Variants in ERC2 observed in about 807,000 individuals in gnomAD.
ERC2 encodes the protein ELKS/RAB6-interacting/CAST family member 2, also known as ERC protein 2.
In ERC2, 42 loss-of-function variants were observed where a neutral mutation model predicts 114.8. That is an observed-to-expected ratio of 0.37 (90% CI 0.29 to 0.47). The LOEUF (loss-of-function observed/expected upper bound fraction) is 0.47, where lower values mean the gene tolerates loss of function less well. ERC2 is among the 20% of genes least tolerant of loss of function. ERC2 has a pLI of 0.99. For synonymous variants in ERC2, 454 were observed against 425.5 expected (o/e 1.07, Z -0.82); for missense variants, 939 against 1,150.7 (o/e 0.82, Z 2.66).
chr3:55,957,128 A>G (rs1464058840), intron 12 of ERC2, among the ~76,000 whole-genome samples: 3 of 152,214 alleles, frequency 2.0e-5, no homozygotes, highest in Admixed American at 2.0e-4. Context: ...AAACTTGAGA[A>G]GTAGAACGTC....
intron 14 of ERC2, among the ~76,000 whole-genome samples, chr3:55,768,703 A>T (rs2067989169): frequency 6.6e-6 from 1 of 152,160 alleles, no homozygotes. Flanking sequence ...CTGTGAGGCA[A>T]GTATGAGCTT....
intron 17 of ERC2, among the ~76,000 whole-genome samples, chr3:55,603,335 A>C (rs1200426316): frequency 2.0e-5 from 3 of 152,198 alleles, no homozygotes; most frequent in Non-Finnish European, 4.4e-5. Context: ...GAAGTCCTAA[A>C]TTTTTAAGAA....
At chr3:56,164,890 T>G (rs927243299) in intron 4 of ERC2, among the ~76,000 whole-genome samples, 4 of 152,094 alleles carry the variant, frequency 2.6e-5, no homozygotes, top group Non-Finnish European at 5.9e-5. Flanking sequence ...TTTGTATGTC[T>G]TCTTTGGAGA....
At chr3:55,854,810 G>A (rs1293948888) in intron 14 of ERC2, among the ~76,000 whole-genome samples, 6 of 152,050 alleles carry the variant, frequency 3.9e-5, no homozygotes, top group African/African-American at 1.2e-4. Context: ...AGTGGGATTC[G>A]CATTCCTATG....
chr3:56,111,004 G>T (rs1384904240), intron 6 of ERC2, among the ~76,000 whole-genome samples: 20 of 151,982 alleles, frequency 1.3e-4, no homozygotes, highest in Admixed American at 1.3e-3. Flanking sequence ...TTTTCAAGGG[G>T]GTGGGGGTAG....
At chr3:56,038,813 C>T (rs2074963804) in intron 7 of ERC2, among the ~76,000 whole-genome samples, 1 of 152,160 alleles carries the variant, frequency 6.6e-6, no homozygotes, top group Admixed American at 6.5e-5. Flanking sequence ...AGCCATTATC[C>T]TCAGCAAACT....
intron 13 of ERC2, among the ~76,000 whole-genome samples, chr3:55,909,527 G>A (rs1194064672): frequency 1.6e-5 from 2 of 124,270 alleles, no homozygotes; most frequent in African/African-American, 6.0e-5. Flanking sequence ...CTCACAGACA[G>A]AAGGGGTTTG....
intron 6 of ERC2, among the ~76,000 whole-genome samples, chr3:56,083,354 C>G (rs1470030239): frequency 6.6e-6 from 1 of 152,068 alleles, no homozygotes. Flanking sequence ...TGAAAATAAT[C>G]TATGAGGTTA....
intron 1 of ERC2, among the ~76,000 whole-genome samples, chr3:56,455,840 T>C (rs866530483): frequency 6.6e-6 from 1 of 152,224 alleles, no homozygotes; most frequent in Admixed American, 6.5e-5. Flanking sequence ...TTAGCACTCA[T>C]CATTCAACCA....
intron 14 of ERC2, among the ~76,000 whole-genome samples, chr3:55,868,605 T>C (rs2062433286): frequency 6.6e-6 from 1 of 152,228 alleles, no homozygotes; most frequent in Admixed American, 6.5e-5. Flanking sequence ...CCTAGCCCTC[T>C]GCTGGCTGCT....
At chr3:56,343,192 T>TCTCTCTCTCTCTCTCA (rs1376220124) in intron 2 of ERC2, among the ~76,000 whole-genome samples, 10 of 126,130 alleles carry the variant, frequency 7.9e-5, no homozygotes, top group African/African-American at 3.0e-4. Flanking sequence ...TCTCTCTCTC[T>TCTCTCTCTCTCTCTCA]CACACACACA....
At chr3:55,888,664 G>A in intron 13 of ERC2, 115 bp from the exon 14 acceptor site, 4 of 1,258,234 alleles carry the variant, frequency 3.2e-6, no homozygotes, top group Non-Finnish European at 4.5e-6. Flanking sequence ...TCCTTGAACT[G>A]GGCCGCTGTG....
intron 14 of ERC2, among the ~76,000 whole-genome samples, chr3:55,757,999 A>AT (rs2067171590): frequency 6.6e-6 from 1 of 152,028 alleles, no homozygotes; most frequent in African/African-American, 2.4e-5. Context: ...GATAGAGCCC[A>AT]TTTTTTCATC....
intron 12 of ERC2, among the ~76,000 whole-genome samples, chr3:55,963,461 T>C (rs1326765407): frequency 2.0e-5 from 3 of 152,280 alleles, no homozygotes; most frequent in East Asian, 1.9e-4. Context: ...GCAAGGACTA[T>C]AGAGATACTA....
At chr3:55,710,233 C>T (rs779907347) in intron 15 of ERC2, among the ~76,000 whole-genome samples, 1 of 152,060 alleles carries the variant, frequency 6.6e-6, no homozygotes, top group Non-Finnish European at 1.5e-5. Flanking sequence ...CCCAGAGATG[C>T]ACAAACAAGA....
intron 2 of ERC2, among the ~76,000 whole-genome samples, chr3:56,352,184 T>C (rs144230760): frequency 7.2e-4 from 110 of 152,302 alleles, no homozygotes; most frequent in African/African-American, 2.4e-3. Context: ...ACAATGTAGA[T>C]AACAGCGTGG....
intron 5 of ERC2, among the ~76,000 whole-genome samples, chr3:56,146,588 T>C (rs895969933): frequency 6.6e-6 from 1 of 152,232 alleles, no homozygotes; most frequent in Non-Finnish European, 1.5e-5. Context: ...TCAATAATAA[T>C]GTTTATCATT....
At chr3:56,003,111 C>G in intron 10 of ERC2, 1 of 1,289,224 alleles carries the variant, frequency 7.8e-7, no homozygotes, top group Non-Finnish European at 1.0e-6. Flanking sequence ...GGTTGTACAT[C>G]TGATTGAACA....
intron 17 of ERC2, among the ~76,000 whole-genome samples, chr3:55,586,379 A>G (rs2057603410): frequency 1.3e-5 from 2 of 152,248 alleles, no homozygotes; most frequent in African/African-American, 4.8e-5. Context: ...GTAACTTTAT[A>G]TTAGTCTATT....
Sources: gnomAD v4.1 joint callset for allele counts (sites outside exome capture counted in the v4.1 genomes callset) on GRCh38, gnomAD v4.1.1 for gene constraint, MANE v1.5 for transcripts, NCBI Gene and HGNC (gene_info 2026-07-23, HGNC 2026-07-21) for gene names.